LPIN2: variants seen among roughly 807,000 people sequenced by gnomAD.
The protein encoded by LPIN2 is lipin 2.
In LPIN2, 55 loss-of-function variants were observed where a neutral mutation model predicts 111.4. The observed-to-expected ratio is 0.49, with a 90% CI of 0.40 to 0.62. The LOEUF is 0.62. Ranked by LOEUF, LPIN2 falls within the 20% of genes least tolerant of loss-of-function variation. The probability of loss-of-function intolerance (pLI) is 0.00; values close to 1 mark genes in which losing one functional copy is unlikely to be tolerated. For synonymous variants in LPIN2, 425 were observed against 414.0 expected, an observed-to-expected ratio of 1.03 and a Z score of -0.32; for missense variants, 992 against 1,112.1, an observed-to-expected ratio of 0.89 and a Z score of 1.54.
rs1598552050 is a variant in LPIN2, at chr18:2,945,798, T to A, written c.591-5086A>T. ...TACTCGACTAAGTTCTGGAAGTGAA[T>A]TTTTAGCCTATACTGAAATGGTAAC... On this transcript the variant is annotated intron_variant, in intron 4 of 19. Transcript: ENST00000677752. 7 of 1,355,130 alleles carry A rather than the reference T, an allele frequency of 5.2e-6. No individual in the cohort carries two copies. The Admixed American group carries it at 1.2e-4, about 23-fold the overall frequency. 83.9% of individuals were successfully genotyped at this position (1,355,130 alleles called of 1,614,324 possible).
At chr18:2,946,419 A>G (rs758542331) in intron 4 of LPIN2, 1 of 1,462,430 alleles carries the variant, frequency 6.8e-7, no homozygotes, top group Non-Finnish European at 9.6e-7. Context: ...CAGCAAGACC[A>G]ACCCTTTAAT....
intron 4 of LPIN2, among the ~76,000 whole-genome samples, chr18:2,944,028 T>C (rs564909565): frequency 1.3e-5 from 2 of 152,300 alleles, no homozygotes; most frequent in South Asian, 2.1e-4. Flanking sequence ...TTTAAATCTA[T>C]GTAAGTTTAA....
Position 2,999,467 on chromosome 18 carries a change from C to T in LPIN2, c.-10+13620G>A, listed in dbSNP as rs188125889. On this transcript the variant is annotated intron_variant, in intron 1 of 19. Coordinates refer to ENST00000677752, the MANE Select transcript of LPIN2 (RefSeq NM_001375808.2). ...AAAAAAAAAAAAAATTAGCCGGGCG[C>T]GGTTGCAGGCGCCTGTAGTCCCAGC... 7.4e-3 allele frequency among the ~76,000 whole-genome samples: 1,120 copies of T among 151,940 alleles called. 16 individuals are homozygous for T. The highest frequency in any genetic ancestry group is 0.026 in the African/African-American group (1,066 of 41,464).
chr18:2,951,031 C>T, intron 4 of LPIN2, 24 bp downstream of exon 4: 1 of 1,613,602 alleles, frequency 6.2e-7, no homozygotes, highest in East Asian at 2.2e-5. Context: ...CCGCACAAGA[C>T]CCTTCCCAGG....
intron 1 of LPIN2, among the ~76,000 whole-genome samples, chr18:2,989,621 T>TA (rs60017200): frequency 0.94 from 143,467 of 152,150 alleles, 67,938 homozygotes; most frequent in East Asian, 1. Context: ...TTCAAAACTT[T>TA]CAAAGTTACA....
At chr18:2,927,469 G>T (rs1416794412) in intron 12 of LPIN2, among the ~76,000 whole-genome samples, 1 of 152,178 alleles carries the variant, frequency 6.6e-6, no homozygotes, top group Non-Finnish European at 1.5e-5. Context: ...TCTCTCACCA[G>T]TTATGTGACT....
intron 9 of LPIN2, among the ~76,000 whole-genome samples, chr18:2,930,538 G>T (rs1371163588): frequency 2.0e-5 from 3 of 152,188 alleles, no homozygotes; most frequent in African/African-American, 7.2e-5. Flanking sequence ...AAGGGAGAGG[G>T]AAGACAAAAG....
At position 2,929,112 on chromosome 18, in the gene LPIN2, GT is replaced by G; in HGVS notation, c.1502del (p.Asn501ThrfsTer5). 1.2e-6 allele frequency: 2 copies of G among 1,607,682 alleles called. No homozygotes were observed. Among genetic ancestry groups the G allele is most frequent in the Non-Finnish European group, 1.7e-6 (2 of 1,174,496 alleles). ...GGTTAGGATTGTCTATAAGTCCAGGGTTTTCTGCAAATTCGTGATAAGTAAT... is the reference window on the plus strand; with the variant it reads ...GGTTAGGATTGTCTATAAGTCCAGGGTTTCTGCAAATTCGTGATAAGTAAT... ...HIITYHEFAE[N>X]PGLIDNPNLV... On this transcript the variant is annotated frameshift_variant, in exon 10 of 20. Coordinates refer to ENST00000677752, the MANE Select transcript of LPIN2 (RefSeq NM_001375808.2). LOFTEE classifies it high-confidence loss of function.
intron 1 of LPIN2, among the ~76,000 whole-genome samples, chr18:2,971,067 A>T (rs547982895): frequency 6.6e-6 from 1 of 152,340 alleles, no homozygotes; most frequent in African/African-American, 2.4e-5. Flanking sequence ...TCAGCTTTTC[A>T]GCAGGTATAA....
chr18:2,988,268 G>A (rs1361208961), intron 1 of LPIN2, among the ~76,000 whole-genome samples: 1 of 151,936 alleles, frequency 6.6e-6, no homozygotes, highest in Non-Finnish European at 1.5e-5. Flanking sequence ...TTGAATGCAG[G>A]CTCATTTATG....
chr18:3,004,801 T>C (rs1238700439), intron 1 of LPIN2, among the ~76,000 whole-genome samples: 1 of 152,082 alleles, frequency 6.6e-6, no homozygotes, highest in Non-Finnish European at 1.5e-5. Context: ...GCTTAGACAT[T>C]CCATCCAGTC....
intron 6 of LPIN2, among the ~76,000 whole-genome samples, chr18:2,938,389 T>C (rs1158285690): frequency 2.0e-5 from 3 of 152,132 alleles, no homozygotes; most frequent in Non-Finnish European, 4.4e-5. Flanking sequence ...CCGGGCATGG[T>C]GGCAGGCGCC....
At chr18:2,981,823 G>T (rs1033198093) in intron 1 of LPIN2, among the ~76,000 whole-genome samples, 1 of 152,102 alleles carries the variant, frequency 6.6e-6, no homozygotes, top group African/African-American at 2.4e-5. Context: ...ATAAACATTT[G>T]TATAACCTTA....
intron 1 of LPIN2, among the ~76,000 whole-genome samples, chr18:3,010,269 G>A (rs147086888): frequency 1.9e-4 from 29 of 152,246 alleles, no homozygotes; most frequent in African/African-American, 7.0e-4. Context: ...TACCAAAGCC[G>A]CTAAGCCAAG....
intron 1 of LPIN2, among the ~76,000 whole-genome samples, chr18:2,983,759 T>C (rs1381302100): frequency 6.6e-6 from 1 of 152,206 alleles, no homozygotes; most frequent in Non-Finnish European, 1.5e-5. Flanking sequence ...TTGGATATAC[T>C]GAGTTAAATA....
chr18:3,010,595 G>A (rs1043951401), intron 1 of LPIN2, among the ~76,000 whole-genome samples: 3 of 152,134 alleles, frequency 2.0e-5, no homozygotes, highest in Non-Finnish European at 2.9e-5. Context: ...CACACTCAAC[G>A]ACAGTCACTG....
intron 19 of LPIN2, 89 bp downstream of exon 19, chr18:2,920,669 TTGATCAGGGCCTGATCTCAA>T (rs1437776163): frequency 5.7e-6 from 5 of 879,606 alleles, no homozygotes; most frequent in Non-Finnish European, 9.5e-6. Flanking sequence ...AGCTGATCCT[TTGATCAGGGCCTGATCTCAA>T]GGATCAGGGG....
At chr18:3,006,538 A>T (rs1486716157) in intron 1 of LPIN2, among the ~76,000 whole-genome samples, 1 of 152,152 alleles carries the variant, frequency 6.6e-6, no homozygotes, top group Non-Finnish European at 1.5e-5. Context: ...AAAAAAATAC[A>T]AAAATTAGCC....
chr18:2,974,882 G>A (rs911827830), intron 1 of LPIN2, among the ~76,000 whole-genome samples: 1 of 152,150 alleles, frequency 6.6e-6, no homozygotes, highest in African/African-American at 2.4e-5. Context: ...TGTAGTCCCA[G>A]CTACTCCGGA....
Sources: allele counts gnomAD v4.1 joint callset (sites outside exome capture counted in the v4.1 genomes callset), GRCh38; gene constraint gnomAD v4.1.1; transcripts MANE v1.5; gene names NCBI Gene and HGNC (gene_info 2026-07-23, HGNC 2026-07-21).